The following SERPINB8 variants were observed in gnomAD, a reference collection of about 807,000 sequenced individuals.
SERPINB8 encodes serpin B8.
In SERPINB8, 25 loss-of-function variants were observed where a neutral mutation model predicts 35.3. That is an observed-to-expected ratio of 0.71 (90% CI 0.52 to 0.99). SERPINB8 has a LOEUF of 0.99. Ranked by LOEUF, SERPINB8 falls within the 50% of genes least tolerant of loss-of-function variation. SERPINB8 has a pLI of 0.00. For synonymous variants in SERPINB8, 186 were observed against 160.8 expected, an observed-to-expected ratio of 1.16 and a Z score of -1.19; for missense variants, 484 against 446.5, an observed-to-expected ratio of 1.08 and a Z score of -0.76.
chr18:63,991,056 C>T (rs553400126), downstream of SERPINB8, among the ~76,000 whole-genome samples: 3 of 152,326 alleles, frequency 2.0e-5, no homozygotes, highest in Non-Finnish European at 4.4e-5. Flanking sequence ...TTTCTGGATT[C>T]TATTGGATTC....
At chr18:63,991,634 A>G (rs977113689), downstream of SERPINB8, among the ~76,000 whole-genome samples, 3 of 151,862 alleles carry the variant, frequency 2.0e-5, no homozygotes, top group Admixed American at 6.6e-5. Context: ...TCTGCTAATA[A>G]AGACAAAATT....
rs2050767619 is a variant in SERPINB8 at position 63,987,023 on chromosome 18, T to C, written c.870T>C (p.Asp290=). Residue 290 remains aspartate (D), a synonymous_variant, in exon 7 of 7, where the codon GAT becomes GAC. Coordinates refer to ENST00000397985, the MANE Select transcript of SERPINB8 (RefSeq NM_002640.4). ...TCCTTCGAAGATTAGGAATGATCGA[T>C]GCTTTTGACGAAGCCAAGGCAGACT... ...EPFLRRLGMI[D]AFDEAKADFS... is the part of the protein sequence containing the mutation. The C allele has an allele frequency of 6.2e-7, 1 of 1,614,218 alleles. No homozygotes were observed. The highest frequency in any genetic ancestry group is 8.5e-7 in the Non-Finnish European group (1 of 1,180,048).
chr18:63,986,959 C>A lies in SERPINB8; in HGVS notation c.806C>A (p.Pro269His). The A allele has an allele frequency of 1.2e-6, 2 of 1,614,154 alleles. No homozygotes were observed. The highest frequency in any genetic ancestry group is 1.1e-5 in the South Asian group (1 of 91,080). ...AAAAGTAAGGTTCAAGTTTTCCTTC[C>A]CAGATTAAAGCTGGAGGAGAGTTAT... is the stretch of plus-strand genomic sequence containing the variant. ...LTKSKVQVFLPRLKLEESYDL... is the reference protein window; with the variant it reads ...LTKSKVQVFLHRLKLEESYDL... Residue 269 changes from proline to histidine, a missense_variant, in exon 7 of 7, where the codon CCC (proline) becomes CAC (histidine). Pro to His is a moderately conservative substitution (Grantham distance 77, BLOSUM62 -2). Coordinates refer to ENST00000397985, the MANE Select transcript of SERPINB8 (RefSeq NM_002640.4).
chr18:64,016,273 C>T (rs758611052), intron 7 of SERPINB8, among the ~76,000 whole-genome samples: 1 of 152,188 alleles, frequency 6.6e-6, no homozygotes, highest in Non-Finnish European at 1.5e-5. Context: ...CTAGCTATCT[C>T]TACTGAGACC....
At chr18:64,010,273 G>A (rs1056427517), downstream of SERPINB8, among the ~76,000 whole-genome samples, 2 of 152,186 alleles carry the variant, frequency 1.3e-5, no homozygotes, top group East Asian at 3.9e-4. Flanking sequence ...ACCAAATCTT[G>A]GCAAACATCA....
intron 1 of SERPINB8, among the ~76,000 whole-genome samples, chr18:63,976,796 A>C (rs2050588999): frequency 6.6e-6 from 1 of 152,172 alleles, no homozygotes; most frequent in African/African-American, 2.4e-5. Context: ...TGACAAGATT[A>C]GGGCTTCATA....
chr18:63,981,899 G>C (rs2050678441), intron 4 of SERPINB8, 61 bp downstream of exon 4: 2 of 1,209,802 alleles, frequency 1.7e-6, no homozygotes, highest in Admixed American at 3.7e-5. Context: ...AGATTGACTG[G>C]GATGGGACTT....
Position 63,985,260 on chromosome 18 carries a change from A to G in SERPINB8, c.720+15A>G, listed in dbSNP as rs752122197. The G allele has an allele frequency of 2.5e-6, 4 of 1,613,630 alleles. No individual in the cohort carries two copies. Among genetic ancestry groups the G allele is most frequent in the Admixed American group, 3.3e-5 (2 of 59,958 alleles). ...ACCTCGCCGTGGTAAGCTCCAGGCAATGAGCCTGAGTATCTGTGGAGTCCA... is the reference window on the plus strand; with the variant it reads ...ACCTCGCCGTGGTAAGCTCCAGGCAGTGAGCCTGAGTATCTGTGGAGTCCA... On this transcript the variant is annotated intron_variant, in intron 6 of 6. Transcript: ENST00000397985.
chr18:64,002,126 G>A (rs902531433), intron 1 of SERPINB8, among the ~76,000 whole-genome samples: 4 of 152,122 alleles, frequency 2.6e-5, no homozygotes, highest in Non-Finnish European at 5.9e-5. Context: ...GGACGTAGCA[G>A]TGTCCCCAGC....
intron 1 of SERPINB8, among the ~76,000 whole-genome samples, chr18:63,997,965 T>C (rs1222745603): frequency 1.3e-5 from 2 of 152,204 alleles, no homozygotes; most frequent in Non-Finnish European, 2.9e-5. Context: ...TTCAACTCAT[T>C]GCCTCTGATC....
intron 1 of SERPINB8, among the ~76,000 whole-genome samples, chr18:63,976,539 C>G (rs1375012802): frequency 2.6e-5 from 4 of 152,056 alleles, no homozygotes; most frequent in African/African-American, 9.7e-5. Flanking sequence ...GTAAAACTAG[C>G]AAGAAGCTTT....
At chr18:63,972,778 T>C (rs1221416736) in intron 1 of SERPINB8, among the ~76,000 whole-genome samples, 2 of 152,162 alleles carry the variant, frequency 1.3e-5, no homozygotes, top group African/African-American at 2.4e-5. Context: ...CTGAGAATGA[T>C]GGTTTCCAGC....
rs1050036267 is a variant in SERPINB8 at position 63,989,055 on chromosome 18, C to A, written c.*1777C>A. 7.2e-5 allele frequency: 11 copies of A among 152,240 alleles called. No individual in the cohort carries two copies. Among genetic ancestry groups the A allele is most frequent in the Non-Finnish European group, 2.9e-5 (2 of 68,050 alleles). 9.4% of individuals were successfully genotyped at this position (152,240 alleles called of 1,614,324 possible). The stretch of plus-strand genomic sequence containing the variant: ...TCTCCCTCTCCCCGTCCCATCCCAA[C>A]CACTGATCTGCTCAGGCAACTACCA... On this transcript the variant is annotated 3_prime_UTR_variant, in exon 7 of 7. Transcript: ENST00000397985.
chr18:63,976,465 A>G (rs2050583563), intron 1 of SERPINB8, among the ~76,000 whole-genome samples: 1 of 152,236 alleles, frequency 6.6e-6, no homozygotes. Context: ...TAGGGATGCT[A>G]TCTTTCTTGA....
In SERPINB8 at chr18:63,987,315, T is replaced by C. The variant is rs1390793907; in HGVS notation, c.*37T>C. 6.4e-7 allele frequency: 1 copy of C among 1,562,038 alleles called. No individual in the cohort carries two copies. On this transcript the variant is annotated 3_prime_UTR_variant, in exon 7 of 7. Transcript: ENST00000397985. ...TGCTGTACATACCCTCCTTTCCTTC[T>C]ACCTATCTTGCCTTAATTAACATTC...
At chr18:64,000,278 G>C (rs932107655) in intron 1 of SERPINB8, among the ~76,000 whole-genome samples, 1 of 152,154 alleles carries the variant, frequency 6.6e-6, no homozygotes, top group Non-Finnish European at 1.5e-5. Flanking sequence ...TGATGAACTT[G>C]GTCCATTGCT....
intron 6 of SERPINB8, chr18:63,986,646 C>T: frequency 7.6e-7 from 1 of 1,318,558 alleles, no homozygotes; most frequent in Non-Finnish European, 9.6e-7. Context: ...AAATTTCTGC[C>T]TGTCTCAGGT....
Position 63,982,928 on chromosome 18 carries a change from C to T in SERPINB8, c.425-651C>T, listed in dbSNP as rs140213229. 5.7e-3 allele frequency among the ~76,000 whole-genome samples: 869 copies of T among 151,690 alleles called. 3 individuals carry two copies. Among genetic ancestry groups the T allele is most frequent in the South Asian group, 0.032 (154 of 4,788 alleles). ...ACCCCCCTAATTCCTTTGCCCCATT[C>T]ACCCCCTTCAGAGAGGCTGCCTTCT... On this transcript the variant is annotated intron_variant, in intron 4 of 6. Transcript: ENST00000397985.
At chr18:63,976,315 G>A (rs992538401) in intron 1 of SERPINB8, among the ~76,000 whole-genome samples, 1 of 152,010 alleles carries the variant, frequency 6.6e-6, no homozygotes, top group African/African-American at 2.4e-5. Context: ...GTTTTTATAG[G>A]GTTTAATAGA....
Sources: allele counts gnomAD v4.1 joint callset (sites outside exome capture counted in the v4.1 genomes callset), GRCh38; gene constraint gnomAD v4.1.1; transcripts MANE v1.5; gene names NCBI Gene and HGNC (gene_info 2026-07-23, HGNC 2026-07-21).